GNAL: variants seen among roughly 807,000 people sequenced by gnomAD.
GNAL encodes the protein guanine nucleotide-binding protein G(olf) subunit alpha.
GNAL carries 18 observed loss-of-function variants against 55.1 expected under a neutral mutation model. The ratio of observed to expected loss-of-function variants is 0.33; its 90% CI spans 0.23 to 0.48. GNAL has a LOEUF of 0.48. GNAL is among the 20% of genes least tolerant of loss of function. GNAL has a pLI of 0.99. For missense variants in GNAL, 412 were observed against 614.1 expected, an observed-to-expected ratio of 0.67 and a Z score of 3.48; for synonymous variants, 253 against 237.0, an observed-to-expected ratio of 1.07 and a Z score of -0.62.
chr18:11,828,083 T>G (rs2035294134), intron 5 of GNAL, among the ~76,000 whole-genome samples: 1 of 152,214 alleles, frequency 6.6e-6, no homozygotes, highest in Admixed American at 6.5e-5. Flanking sequence ...GTTATTTGGT[T>G]GCTTTCGGTT....
intron 7 of GNAL, among the ~76,000 whole-genome samples, chr18:11,866,482 C>A (rs2848454): frequency 6.7e-6 from 1 of 149,920 alleles, no homozygotes; most frequent in African/African-American, 2.5e-5. Flanking sequence ...ACGCCTTATG[C>A]GCTGAGCAGG....
At chr18:11,712,638 G>T (rs1035456128) in intron 1 of GNAL, among the ~76,000 whole-genome samples, 2 of 152,082 alleles carry the variant, frequency 1.3e-5, no homozygotes, top group African/African-American at 4.8e-5. Flanking sequence ...TTTTTCTATA[G>T]AGTTACCAGT....
intron 1 of GNAL, among the ~76,000 whole-genome samples, chr18:11,714,527 T>C (rs1284838583): frequency 6.6e-6 from 1 of 152,130 alleles, no homozygotes; most frequent in Non-Finnish European, 1.5e-5. Context: ...ATAAAGTAAA[T>C]GTAGAGTAGA....
intron 5 of GNAL, among the ~76,000 whole-genome samples, chr18:11,846,747 A>G (rs943458377): frequency 1.7e-4 from 26 of 151,774 alleles, no homozygotes; most frequent in African/African-American, 5.1e-4. Flanking sequence ...TGTTTTTGAG[A>G]CAGGATCTTG....
chr18:11,789,306 A>C (rs964454827), intron 4 of GNAL, among the ~76,000 whole-genome samples: 3 of 152,174 alleles, frequency 2.0e-5, no homozygotes, highest in Non-Finnish European at 4.4e-5. Flanking sequence ...CCAGATACTC[A>C]GGTATTTAAA....
intron 4 of GNAL, among the ~76,000 whole-genome samples, chr18:11,783,475 C>T (rs2033976353): frequency 6.6e-6 from 1 of 152,170 alleles, no homozygotes; most frequent in African/African-American, 2.4e-5. Context: ...ATTGTGCCTG[C>T]AAAGCCAAGA....
intron 10 of GNAL, 92 bp downstream of exon 10, chr18:11,872,490 A>G: frequency 1.2e-6 from 1 of 810,016 alleles, no homozygotes; most frequent in Non-Finnish European, 2.0e-6. Context: ...TGATGAATCA[A>G]AGAAATTCAC....
chr18:11,696,454 G>A (rs886990396), intron 1 of GNAL, among the ~76,000 whole-genome samples: 6 of 150,532 alleles, frequency 4.0e-5, no homozygotes, highest in South Asian at 2.1e-4. Context: ...GCAGTGAGCC[G>A]AGATCATGCC....
At chr18:11,754,671 T>C (rs1274070869) in intron 4 of GNAL, among the ~76,000 whole-genome samples, 1 of 152,220 alleles carries the variant, frequency 6.6e-6, no homozygotes, top group African/African-American at 2.4e-5. Context: ...TCAGTTTACT[T>C]TGAAGATGCA....
Position 11,851,303 on chromosome 18 carries a change from T to TA in GNAL, c.723-11091dup, listed in dbSNP as rs1598427623. The TA allele has an allele frequency of 1.2e-5, 7 of 563,576 alleles. No individual in the cohort carries two copies. In the East Asian group the frequency reaches 1.5e-4, roughly 12 times the overall value. The allele number at this position is 563,576 out of a possible 1,614,324, so 34.9% of individuals were successfully genotyped here. A position where few individuals can be genotyped will look rare whatever the true frequency, so the allele number is the denominator to read the frequency against. ...CCTGCATGCGCAGCCCCTGGCGTCTTACGTCCCACAGGCCCCACCCCGGCG... is the reference window on the plus strand; with the variant it reads ...CCTGCATGCGCAGCCCCTGGCGTCTTAACGTCCCACAGGCCCCACCCCGGCG... On this transcript the variant is annotated intron_variant, in intron 5 of 11. Coordinates refer to ENST00000334049, the MANE Select transcript of GNAL (RefSeq NM_182978.4).
intron 1 of GNAL, among the ~76,000 whole-genome samples, chr18:11,748,728 C>T (rs986701725): frequency 6.6e-6 from 1 of 152,042 alleles, no homozygotes; most frequent in Non-Finnish European, 1.5e-5. Flanking sequence ...ATTTTGTCCC[C>T]TGCTGTCCAA....
chr18:11,853,623 GA>G (rs979711503), intron 5 of GNAL: 60 of 165,608 alleles, frequency 3.6e-4, no homozygotes, highest in Middle Eastern at 3.4e-3. Context: ...AATGAGTAAG[GA>G]AAAAAAAAGT....
At chr18:11,757,094 T>G (rs2033081289) in intron 4 of GNAL, among the ~76,000 whole-genome samples, 1 of 152,126 alleles carries the variant, frequency 6.6e-6, no homozygotes, top group Admixed American at 6.5e-5. Flanking sequence ...CTTGAGAATT[T>G]TCTCTGAGAA....
intron 4 of GNAL, among the ~76,000 whole-genome samples, chr18:11,775,420 C>T (rs1464912824): frequency 6.6e-6 from 1 of 152,254 alleles, no homozygotes; most frequent in South Asian, 2.1e-4. Flanking sequence ...AATCCACACA[C>T]ATGCACGCCC....
chr18:11,773,587 A>G (rs1425482204), intron 4 of GNAL, among the ~76,000 whole-genome samples: 1 of 152,120 alleles, frequency 6.6e-6, no homozygotes, highest in Admixed American at 6.5e-5. Flanking sequence ...CCTGGGCAAA[A>G]TTATGAGACC....
At chr18:11,828,438 C>CA (rs2035303463) in intron 5 of GNAL, among the ~76,000 whole-genome samples, 1 of 152,170 alleles carries the variant, frequency 6.6e-6, no homozygotes. Flanking sequence ...ATGTTAAACT[C>CA]ACGTGCTTTA....
At chr18:11,830,322 T>C (rs1185315792) in intron 5 of GNAL, among the ~76,000 whole-genome samples, 2 of 140,374 alleles carry the variant, frequency 1.4e-5, no homozygotes, top group East Asian at 2.1e-4. Context: ...GTTTCGCTCT[T>C]GTTGCCCAGG....
intron 1 of GNAL, among the ~76,000 whole-genome samples, chr18:11,720,506 C>G (rs771847093): frequency 6.6e-6 from 1 of 152,204 alleles, no homozygotes; most frequent in Non-Finnish European, 1.5e-5. Context: ...TGTCTTTTCA[C>G]TCAGACAGAT....
intron 4 of GNAL, among the ~76,000 whole-genome samples, chr18:11,818,340 C>G (rs2035011304): frequency 1.3e-5 from 2 of 152,198 alleles, no homozygotes; most frequent in Non-Finnish European, 2.9e-5. Context: ...CTAGCTCATT[C>G]TGTTATCCAA....
Sources: gnomAD v4.1 joint callset for allele counts (sites outside exome capture counted in the v4.1 genomes callset) on GRCh38, gnomAD v4.1.1 for gene constraint, MANE v1.5 for transcripts, NCBI Gene and HGNC (gene_info 2026-07-23, HGNC 2026-07-21) for gene names.